MTRF1: variants seen among roughly 807,000 people sequenced by gnomAD.
MTRF1 encodes the protein peptide chain release factor 1, mitochondrial.
Under a neutral mutation model 62.9 loss-of-function variants are expected in MTRF1, and 51 were observed. The observed-to-expected ratio is 0.81, with a 90% confidence interval of 0.65 to 1.02. MTRF1 has a LOEUF of 1.02. MTRF1 is among the 50% of genes least tolerant of loss of function. The probability of loss-of-function intolerance (pLI) is 0.00; values close to 1 mark genes in which losing one functional copy is unlikely to be tolerated. For synonymous variants in MTRF1, 158 were observed against 181.9 expected (o/e 0.87, Z 1.06); for missense variants, 446 against 530.0 (o/e 0.84, Z 1.56).
the MTRF1 span, among the ~76,000 whole-genome samples, chr13:41,286,478 T>C: frequency 6.6e-6 from 1 of 152,162 alleles, no homozygotes; most frequent in East Asian, 1.9e-4. Context: ...TGCAAGTGCT[T>C]AGATAAGTGA....
At chr13:41,239,839 C>CTATA (rs1362530753) in intron 6 of MTRF1, among the ~76,000 whole-genome samples, 1 of 152,048 alleles carries the variant, frequency 6.6e-6, no homozygotes, top group Non-Finnish European at 1.5e-5. Flanking sequence ...CCATTAGAGA[C>CTATA]TATAAAGTCC....
At chr13:41,218,281 ATTTTTTTTTTTTTTTTT>A (rs199717534) in intron 9 of MTRF1, among the ~76,000 whole-genome samples, 3,058 of 117,884 alleles carry the variant, frequency 0.026, 137 homozygotes, top group African/African-American at 0.09. Context: ...CACCCAGCTA[ATTTTTTTTTTTTTTTTT>A]TTTTTTTTTT....
chr13:41,292,093 AAAAC>A, the MTRF1 span, among the ~76,000 whole-genome samples: 3 of 152,194 alleles, frequency 2.0e-5, no homozygotes, highest in Non-Finnish European at 2.9e-5. Context: ...ACAAAAACAA[AAAAC>A]AAACAAAAAC....
the MTRF1 span, among the ~76,000 whole-genome samples, chr13:41,307,637 C>T: frequency 1.3e-5 from 2 of 151,858 alleles, no homozygotes; most frequent in African/African-American, 4.8e-5. Flanking sequence ...AAGTGTGTAG[C>T]ACCTCCTCTT....
At chr13:41,235,338 C>CT (rs2036308676) in intron 6 of MTRF1, 1 of 152,190 alleles carries the variant, frequency 6.6e-6, no homozygotes, top group South Asian at 2.1e-4. Flanking sequence ...TCAGAATCTA[C>CT]TAAATTAGTG....
intron 9 of MTRF1, among the ~76,000 whole-genome samples, chr13:41,221,830 T>TCCC (rs1555244427): frequency 6.6e-6 from 1 of 151,680 alleles, no homozygotes; most frequent in Non-Finnish European, 1.5e-5. Flanking sequence ...TTGTCACTAC[T>TCCC]AGAAAAACAA....
the MTRF1 span, among the ~76,000 whole-genome samples, chr13:41,301,042 G>C: frequency 6.6e-6 from 1 of 152,134 alleles, no homozygotes; most frequent in Admixed American, 6.5e-5. Flanking sequence ...TTTTCATAAA[G>C]ATTAAATAAG....
chr13:41,284,688 G>A, the MTRF1 span, among the ~76,000 whole-genome samples: 5 of 151,712 alleles, frequency 3.3e-5, no homozygotes, highest in East Asian at 1.9e-4. Flanking sequence ...GTGCAGTGGC[G>A]TGATATCGAC....
In MTRF1 at chr13:41,232,530, T is replaced by C. The variant is rs573242265; in HGVS notation, c.988+1360A>G. ...GACTTTCAATGTTCTAAGGGGAAAT[T>C]ATTTCCATGAAATGATCGATGAAGT... On this transcript the variant is annotated intron_variant, in intron 7 of 9. Transcript: ENST00000379480. 5.9e-5 allele frequency among the ~76,000 whole-genome samples: 9 copies of C among 152,322 alleles called. No individual in the cohort carries two copies. In the South Asian group the frequency reaches 1.9e-3, roughly 32 times the overall value.
At chr13:41,267,847 A>G (rs956208069), upstream of MTRF1, among the ~76,000 whole-genome samples, 2 of 136,666 alleles carry the variant, frequency 1.5e-5, no homozygotes, top group African/African-American at 5.6e-5. Context: ...CCTGGGTGAC[A>G]GAGTGAGAAA....
the MTRF1 span, among the ~76,000 whole-genome samples, chr13:41,286,087 AC>A: frequency 1.5e-3 from 172 of 116,706 alleles, no homozygotes; most frequent in African/African-American, 4.9e-3. Flanking sequence ...AACAACAACA[AC>A]AAAAAAAAAA....
chr13:41,287,302 A>G, the MTRF1 span, among the ~76,000 whole-genome samples: 1 of 152,196 alleles, frequency 6.6e-6, no homozygotes, highest in African/African-American at 2.4e-5. Context: ...ACATGGCCAG[A>G]GCAGGAGTAA....
Position 41,240,302 on chromosome 13 carries a change from T to C in MTRF1, c.829A>G (p.Thr277Ala). 6.2e-7 allele frequency: 1 copy of C among 1,612,510 alleles called. No individual in the cohort carries two copies. The highest frequency in any genetic ancestry group is 2.2e-5 in the East Asian group (1 of 44,782). Residue 277 changes from threonine (T) to alanine (A), a missense_variant, in exon 6 of 10, where the codon ACA (threonine) becomes GCA (alanine). By Grantham distance (58) the Thr-to-Ala change is moderately conservative. Transcript: ENST00000379480. The stretch of plus-strand genomic sequence containing the variant: ...AGGACAATAACCGACATCGTTCCTG[T>C]GTGAATGCGCTGCATCCTTGAGGAC... Reference protein sequence around the residue: ...GLSSRMQRIHTGTMSVIVLPQ... With the variant: ...GLSSRMQRIHAGTMSVIVLPQ...
chr13:41,218,265 G>C (rs1443086561), intron 9 of MTRF1, among the ~76,000 whole-genome samples: 1 of 148,444 alleles, frequency 6.7e-6, no homozygotes, highest in Non-Finnish European at 1.5e-5. Flanking sequence ...ACAGGCACAT[G>C]CTACACACCC....
chr13:41,293,653 T>C, the MTRF1 span, among the ~76,000 whole-genome samples: 1 of 152,198 alleles, frequency 6.6e-6, no homozygotes, highest in Non-Finnish European at 1.5e-5. Context: ...GCTATAAAAA[T>C]GGATAACAAG....
the MTRF1 span, among the ~76,000 whole-genome samples, chr13:41,275,421 C>T: frequency 6.6e-6 from 1 of 151,792 alleles, no homozygotes; most frequent in African/African-American, 2.4e-5. Flanking sequence ...AGGATGGCCT[C>T]CATCCCCTGA....
At chr13:41,249,628 T>C (rs868175772) in intron 5 of MTRF1, among the ~76,000 whole-genome samples, 6,836 of 118,340 alleles carry the variant, frequency 0.058, 149 homozygotes, top group Non-Finnish European at 0.089. Flanking sequence ...TCTTTTTTTT[T>C]TTTTTTTTTT....
At chr13:41,258,724 T>A (rs1167849828) in intron 2 of MTRF1, among the ~76,000 whole-genome samples, 1 of 152,046 alleles carries the variant, frequency 6.6e-6, no homozygotes, top group Non-Finnish European at 1.5e-5. Flanking sequence ...ATTAGGCAAT[T>A]TTCTTAGATA....
chr13:41,300,483 G>A, the MTRF1 span, among the ~76,000 whole-genome samples: 1 of 151,960 alleles, frequency 6.6e-6, no homozygotes, highest in Non-Finnish European at 1.5e-5. Flanking sequence ...CTACTCGGGA[G>A]GCTGAGGCAG....
Sources: gnomAD v4.1 joint callset for allele counts (sites outside exome capture counted in the v4.1 genomes callset) on GRCh38, gnomAD v4.1.1 for gene constraint, MANE v1.5 for transcripts, NCBI Gene and HGNC (gene_info 2026-07-23, HGNC 2026-07-21) for gene names.